Variants in KDR observed in about 807,000 individuals in gnomAD.
The protein encoded by KDR is kinase insert domain receptor, also known as vascular endothelial growth factor receptor 2.
In KDR, 43 loss-of-function variants were observed where a neutral mutation model predicts 160.9. The ratio of observed to expected loss-of-function variants is 0.27; its 90% CI spans 0.21 to 0.34. The LOEUF is 0.34. Ranked by LOEUF, KDR falls within the 10% of genes least tolerant of loss-of-function variation. The pLI is 1.00. For missense variants in KDR, 1,469 were observed against 1,666.4 expected, an observed-to-expected ratio of 0.88 and a Z score of 2.06; for synonymous variants, 617 against 600.1, an observed-to-expected ratio of 1.03 and a Z score of -0.41.
At chr4:55,122,843 A>T (rs1247079393) in intron 1 of KDR, 1 of 151,674 alleles carries the variant, frequency 6.6e-6, no homozygotes, top group South Asian at 2.1e-4. Flanking sequence ...TTATCCTACC[A>T]CAGATGGTCT....
In KDR at chr4:55,096,326, A is replaced by G; in HGVS notation, c.2631T>C (p.Ser877=). 6.2e-7 allele frequency: 1 copy of G among 1,611,740 alleles called. No individual in the cohort carries two copies. The highest frequency in any genetic ancestry group is 8.5e-7 in the Non-Finnish European group (1 of 1,178,120). ...GTTCAGACATGAGAGCTCGATGCTC[A>G]CTGTGTGTTGCTCCTTCTACAAATA... ...VKMLKEGATH[S]EHRALMSELK... Residue 877 remains serine, a synonymous_variant, in exon 19 of 30, where the codon AGT becomes AGC. Coordinates refer to ENST00000263923, the MANE Select transcript of KDR (RefSeq NM_002253.4).
chr4:55,084,355 G>A (rs540712722), intron 27 of KDR, among the ~76,000 whole-genome samples: 1 of 152,268 alleles, frequency 6.6e-6, no homozygotes, highest in Admixed American at 6.5e-5. Context: ...TAGAAAAAGG[G>A]AATGCCCATG....
intron 16 of KDR, 97 bp downstream of exon 16, chr4:55,098,600 C>T: frequency 1.1e-6 from 1 of 927,388 alleles, no homozygotes; most frequent in East Asian, 2.4e-5. Flanking sequence ...CCCATTGAGC[C>T]AATAACAATG....
intron 22 of KDR, 94 bp from the exon 23 acceptor site, chr4:55,090,172 A>G: frequency 6.9e-7 from 1 of 1,450,788 alleles, no homozygotes; most frequent in Non-Finnish European, 9.6e-7. Context: ...ATCCCACATC[A>G]GAAAGCCAAC....
At chr4:55,084,415 A>G (rs1408553388) in intron 27 of KDR, among the ~76,000 whole-genome samples, 4 of 152,342 alleles carry the variant, frequency 2.6e-5, no homozygotes, top group Non-Finnish European at 4.4e-5. Flanking sequence ...GATAGAATCA[A>G]CTAGGGTTGG....
rs1163085666 is a variant in KDR at position 55,098,785 on chromosome 4, T to G, written c.2285A>C (p.Asn762Thr). The part of the protein sequence containing the change: ...FIIEGAQEKT[N>T]LEIIILVGTA... Reference sequence around the variant, plus strand: ...GCCTACTAGAATAATGATTTCCAAGTTCGTCTTTTCCTGGGCACCTGGAAA... The same window carrying G: ...GCCTACTAGAATAATGATTTCCAAGGTCGTCTTTTCCTGGGCACCTGGAAA... The change falls in exon 16 of 30, where the codon AAC becomes ACC. Residue 762 changes from asparagine (N) to threonine (T), a missense_variant. By Grantham distance (65) the Asn-to-Thr change is moderately conservative. Coordinates refer to ENST00000263923, the MANE Select transcript of KDR (RefSeq NM_002253.4). The G allele has an allele frequency of 1.2e-6, 2 of 1,612,936 alleles. No individual in the cohort carries two copies. The highest frequency in any genetic ancestry group is 1.7e-6 in the Non-Finnish European group (2 of 1,179,136).
At chr4:55,115,791 T>C (rs898207668) in intron 3 of KDR, among the ~76,000 whole-genome samples, 1 of 152,224 alleles carries the variant, frequency 6.6e-6, no homozygotes, top group African/African-American at 2.4e-5. Flanking sequence ...TACTTTAAAA[T>C]TTAAAGTTAA....
chr4:55,089,901 G>A (rs1044761522), intron 23 of KDR, 55 bp downstream of exon 23: 141 of 1,609,100 alleles, frequency 8.8e-5, no homozygotes, highest in Middle Eastern at 3.3e-4. Context: ...AGCTCTCTAC[G>A]AGGAGTTTTA....
intron 3 of KDR, among the ~76,000 whole-genome samples, chr4:55,117,684 T>C (rs1429868909): frequency 6.6e-6 from 1 of 152,214 alleles, no homozygotes; most frequent in East Asian, 1.9e-4. Context: ...GTCTAAGTCA[T>C]CTTCACCTGT....
chr4:55,108,269 T>C (rs1249455467), intron 9 of KDR, among the ~76,000 whole-genome samples: 1 of 151,316 alleles, frequency 6.6e-6, no homozygotes, highest in African/African-American at 2.4e-5. Context: ...AATAATAAAC[T>C]AACAAGCTGA....
intron 1 of KDR, among the ~76,000 whole-genome samples, chr4:55,124,921 T>C (rs1560526747): frequency 6.6e-6 from 1 of 152,066 alleles, no homozygotes; most frequent in Non-Finnish European, 1.5e-5. Flanking sequence ...CCAGGCGCCT[T>C]CCCACCCCAG....
At chr4:55,123,923 C>T (rs1324967126) in intron 1 of KDR, among the ~76,000 whole-genome samples, 2 of 152,202 alleles carry the variant, frequency 1.3e-5, no homozygotes, top group East Asian at 3.9e-4. Flanking sequence ...ACCGGCCTGC[C>T]GTTACTACTA....
At chr4:55,114,543 T>C (rs1560522910) in intron 5 of KDR, among the ~76,000 whole-genome samples, 1 of 152,212 alleles carries the variant, frequency 6.6e-6, no homozygotes, top group Non-Finnish European at 1.5e-5. Flanking sequence ...TTTAGCAAAT[T>C]GCTGAAGTTT....
intron 3 of KDR, among the ~76,000 whole-genome samples, chr4:55,115,733 T>C (rs1157679351): frequency 1.3e-5 from 2 of 152,238 alleles, no homozygotes; most frequent in African/African-American, 2.4e-5. Flanking sequence ...AGATTTCACA[T>C]TTTAAAAGAT....
rs776146409 is a variant in KDR at position 55,092,662 on chromosome 4, G to A, written c.3024C>T (p.Tyr1008=). The change falls in exon 22 of 30, where the codon TAC becomes TAT. Residue 1008 remains tyrosine (Y), a synonymous_variant. Transcript: ENST00000263923. ...DFLTLEHLIC[Y]SFQVAKGMEF... is the part of the protein sequence containing the mutation. ...CCATGCCCTTAGCCACTTGGAAGCT[G>A]TAACAGATGAGATGCTCCAAGGTCA... 9 of 1,613,998 alleles carry A rather than the reference G, an allele frequency of 5.6e-6. No individual in the cohort carries two copies. Among genetic ancestry groups the A allele is most frequent in the Non-Finnish European group, 7.6e-6 (9 of 1,179,900 alleles).
intron 3 of KDR, among the ~76,000 whole-genome samples, chr4:55,115,667 C>T (rs969125143): frequency 1.3e-5 from 2 of 151,800 alleles, no homozygotes; most frequent in Non-Finnish European, 2.9e-5. Flanking sequence ...AAAAAAACTC[C>T]CAATTGAGAT....
chr4:55,095,078 G>T, intron 20 of KDR, 123 bp from the exon 21 acceptor site: 1 of 963,572 alleles, frequency 1.0e-6, no homozygotes, highest in Non-Finnish European at 1.6e-6. Context: ...AGACAAGGAG[G>T]ACATCAATTT....
In KDR at chr4:55,089,419, T is replaced by C; in HGVS notation, c.3359A>G (p.Lys1120Arg). The change falls in exon 25 of 30, where the codon AAA becomes AGA. Residue 1120 changes from lysine to arginine, a missense_variant. Physicochemically the swap from Lys to Arg is conservative, Grantham distance 26. Coordinates refer to ENST00000263923, the MANE Select transcript of KDR (RefSeq NM_002253.4). Reference protein sequence around the residue: ...KIDEEFCRRLKEGTRMRAPDY... With the variant: ...KIDEEFCRRLREGTRMRAPDY... ...AGGGGCCCTCATTCTAGTTCCTTCTTTCAATCGCCTACAAAATTCTTCATC... is the reference window on the plus strand; with the variant it reads ...AGGGGCCCTCATTCTAGTTCCTTCTCTCAATCGCCTACAAAATTCTTCATC... 6.2e-7 allele frequency: 1 copy of C among 1,613,280 alleles called. No individual in the cohort carries two copies. The highest frequency in any genetic ancestry group is 8.5e-7 in the Non-Finnish European group (1 of 1,179,472).
chr4:55,082,573 A>T lies in KDR; in HGVS notation c.3725T>A (p.Ile1242Asn). The change falls in exon 28 of 30, where the codon ATC becomes AAC. Residue 1242 changes from isoleucine to asparagine, a missense_variant. This residue lies in a region of KDR where 229 missense variants were observed against 197.8 expected (regional missense o/e 1.16). Coordinates refer to ENST00000263923, the MANE Select transcript of KDR (RefSeq NM_002253.4). ...RPVSVKTFED[I>N]PLEEPEVKVI... The stretch of plus-strand genomic sequence containing the variant: ...TTTTACTTCTGGTTCTTCTAACGGG[A>T]TATCTTCAAATGTTTTTACACTCAC... The T allele has an allele frequency of 6.2e-7, 1 of 1,613,838 alleles. No homozygotes were observed. Among genetic ancestry groups the T allele is most frequent in the Non-Finnish European group, 8.5e-7 (1 of 1,179,788 alleles).
Sources: allele counts gnomAD v4.1 joint callset (sites outside exome capture counted in the v4.1 genomes callset), GRCh38; gene constraint gnomAD v4.1.1; regional missense constraint gnomAD v4.1.1; transcripts MANE v1.5; gene names NCBI Gene and HGNC (gene_info 2026-07-23, HGNC 2026-07-21).